FHIP2A: variants seen among roughly 807,000 people sequenced by gnomAD.
FHIP2A encodes the protein family with sequence similarity 160 member B1.
FHIP2A carries 46 observed loss-of-function variants against 93.5 expected under a neutral mutation model. The ratio of observed to expected loss-of-function variants is 0.49; its 90% confidence interval spans 0.39 to 0.63. The LOEUF (loss-of-function observed/expected upper bound fraction) is 0.63, where lower values mean the gene tolerates loss of function less well. Ranked by LOEUF, FHIP2A falls within the 20% of genes least tolerant of loss-of-function variation. The pLI, the probability that FHIP2A is intolerant of heterozygous loss-of-function variation, is 0.00. For synonymous variants in FHIP2A, 332 were observed against 326.5 expected, an observed-to-expected ratio of 1.02 and a Z score of -0.18; for missense variants, 769 against 909.7, an observed-to-expected ratio of 0.85 and a Z score of 1.99.
intron 1 of FHIP2A, among the ~76,000 whole-genome samples, chr10:114,830,198 A>G (rs2143009805): frequency 1.3e-5 from 2 of 151,678 alleles, no homozygotes; most frequent in Admixed American, 1.3e-4. Context: ...CCTGGCTATT[A>G]GTAATTTCAT....
intron 13 of FHIP2A, among the ~76,000 whole-genome samples, chr10:114,848,946 C>G (rs1364153578): frequency 6.6e-6 from 1 of 151,760 alleles, no homozygotes; most frequent in Non-Finnish European, 1.5e-5. Flanking sequence ...AGTTCGAGAC[C>G]AGCCTGGCCA....
intron 7 of FHIP2A, among the ~76,000 whole-genome samples, chr10:114,845,157 G>A (rs17587168): frequency 2.5e-4 from 38 of 152,134 alleles, no homozygotes; most frequent in Admixed American, 3.9e-4. Flanking sequence ...TACTTAATAC[G>A]TGAAAATTAT....
At chr10:114,837,365 C>T (rs1355135433) in intron 5 of FHIP2A, among the ~76,000 whole-genome samples, 1 of 151,954 alleles carries the variant, frequency 6.6e-6, no homozygotes, top group Non-Finnish European at 1.5e-5. Context: ...AAATACAAAC[C>T]TTAGCTGGGT....
intron 16 of FHIP2A, among the ~76,000 whole-genome samples, chr10:114,887,666 G>A (rs946292579): frequency 1.3e-5 from 2 of 152,214 alleles, no homozygotes; most frequent in African/African-American, 4.8e-5. Flanking sequence ...AGGCAATGGG[G>A]ATTAATGTGA....
rs535710329 is a variant in FHIP2A at position 114,878,485 on chromosome 10, A to G, written c.2192+17151A>G. Among the ~76,000 whole-genome samples the G allele has an allele frequency of 6.6e-4, 101 of 152,312 alleles. 3 individuals are homozygous for G. In the South Asian group the frequency reaches 0.021, roughly 31 times the overall value. On this transcript the variant is annotated intron_variant, in intron 16 of 16. Coordinates refer to the FHIP2A transcript ENST00000369250. ...GGAATCAGGATAGATAAGTCCAGAA[A>G]AGAGAAGCCTTGGCTGGGCGCAGTG...
At chr10:114,859,010 A>G (rs1379759821) in intron 14 of FHIP2A, among the ~76,000 whole-genome samples, 16 of 152,046 alleles carry the variant, frequency 1.1e-4, no homozygotes, top group African/African-American at 3.9e-4. Flanking sequence ...ATTATGCTAT[A>G]TCAATAAAAA....
intron 2 of FHIP2A, among the ~76,000 whole-genome samples, chr10:114,832,242 T>G (rs1175245192): frequency 6.6e-6 from 1 of 152,182 alleles, no homozygotes; most frequent in Non-Finnish European, 1.5e-5. Context: ...TTTATTTTAT[T>G]ATAAGAAATC....
At chr10:114,887,699 C>CA (rs1261483729) in intron 16 of FHIP2A, among the ~76,000 whole-genome samples, 4 of 152,216 alleles carry the variant, frequency 2.6e-5, no homozygotes, top group East Asian at 1.9e-4. Context: ...TGTACTGCAT[C>CA]ACCTGATATG....
intron 2 of FHIP2A, among the ~76,000 whole-genome samples, chr10:114,831,540 T>C (rs1160337511): frequency 6.6e-6 from 1 of 152,206 alleles, no homozygotes; most frequent in African/African-American, 2.4e-5. Context: ...TTGGAGCGTT[T>C]GTGTATATAA....
At chr10:114,827,047 A>G (rs2143009507) in intron 1 of FHIP2A, among the ~76,000 whole-genome samples, 1 of 152,326 alleles carries the variant, frequency 6.6e-6, no homozygotes, top group African/African-American at 2.4e-5. Context: ...GAGACACAGT[A>G]AAAGCAGAGG....
intron 7 of FHIP2A, 74 bp downstream of exon 7, chr10:114,844,011 TG>T: frequency 1.6e-6 from 2 of 1,270,804 alleles, no homozygotes; most frequent in Non-Finnish European, 2.1e-6. Context: ...ATTTCTATTT[TG>T]CAATGGTAGA....
chr10:114,867,493 C>T (rs2083835388), downstream of FHIP2A, among the ~76,000 whole-genome samples: 1 of 152,164 alleles, frequency 6.6e-6, no homozygotes, highest in South Asian at 2.1e-4. Context: ...TAAAATGACC[C>T]AAAGATTAGG....
intron 16 of FHIP2A, among the ~76,000 whole-genome samples, chr10:114,893,108 C>A (rs940968302): frequency 2.0e-5 from 3 of 152,056 alleles, no homozygotes; most frequent in African/African-American, 7.2e-5. Context: ...TTCACCAATC[C>A]ACTTCGAGGA....
chr10:114,871,714 G>A (rs2083861043), intron 16 of FHIP2A, among the ~76,000 whole-genome samples: 1 of 152,036 alleles, frequency 6.6e-6, no homozygotes, highest in Non-Finnish European at 1.5e-5. Flanking sequence ...AGCTTTCCAG[G>A]GAGGCTGGTA....
intron 16 of FHIP2A, among the ~76,000 whole-genome samples, chr10:114,880,972 T>C (rs907815615): frequency 2.6e-5 from 4 of 152,186 alleles, no homozygotes; most frequent in Non-Finnish European, 5.9e-5. Flanking sequence ...GGAAATTCCA[T>C]TTTACAGAGG....
chr10:114,836,591 A>G (rs1394823294), intron 5 of FHIP2A, among the ~76,000 whole-genome samples: 1 of 152,194 alleles, frequency 6.6e-6, no homozygotes, highest in Non-Finnish European at 1.5e-5. Flanking sequence ...GTAACATGGG[A>G]AATCTGGCCT....
chr10:114,841,872 CTT>C (rs2083670930), intron 5 of FHIP2A, among the ~76,000 whole-genome samples: 1 of 152,088 alleles, frequency 6.6e-6, no homozygotes, highest in African/African-American at 2.4e-5. Flanking sequence ...GATTTCTGCT[CTT>C]ATGTTCAAAT....
chr10:114,856,671 T>C (rs955245449), intron 14 of FHIP2A, among the ~76,000 whole-genome samples: 21 of 152,208 alleles, frequency 1.4e-4, no homozygotes, highest in African/African-American at 4.8e-4. Context: ...ATCTTCAACC[T>C]TGAGCACTTT....
At chr10:114,884,764 A>G (rs1255242279) in intron 16 of FHIP2A, among the ~76,000 whole-genome samples, 1 of 151,456 alleles carries the variant, frequency 6.6e-6, no homozygotes, top group Admixed American at 6.6e-5. Flanking sequence ...AATACAAAAA[A>G]TTAGCTAGGT....
Sources: gnomAD v4.1 joint callset for allele counts (sites outside exome capture counted in the v4.1 genomes callset) on GRCh38, gnomAD v4.1.1 for gene constraint, MANE v1.5 for transcripts, NCBI Gene and HGNC (gene_info 2026-07-23, HGNC 2026-07-21) for gene names.